The following BRCA2 variants were observed in gnomAD, a reference collection of about 807,000 sequenced individuals.
The protein encoded by BRCA2 is BRCA2 DNA repair associated.
BRCA2 carries 203 observed loss-of-function variants against 276.7 expected under a neutral mutation model. The ratio of observed to expected loss-of-function variants is 0.73; its 90% CI spans 0.65 to 0.82. The LOEUF is 0.82. Among genes scored for constraint, BRCA2 ranks in the 40% least tolerant of loss-of-function variants. BRCA2 has a pLI of 0.00. For missense variants in BRCA2, 3,920 were observed against 3,915.0 expected (o/e 1.00, Z -0.03); for synonymous variants, 1,289 against 1,338.4 (o/e 0.96, Z 0.81).
chr13:32,392,715 T>C (rs1448579305), intron 24 of BRCA2, among the ~76,000 whole-genome samples: 2 of 152,198 alleles, frequency 1.3e-5, no homozygotes, highest in Non-Finnish European at 2.9e-5. Flanking sequence ...ACATCTTGCA[T>C]AACCGTAGTA....
In BRCA2 at chr13:32,376,699, C is replaced by T. The variant is rs80359123; in HGVS notation, c.8662C>T (p.Arg2888Cys). ...CACAACAAAACCATATTTACCATCA[C>T]GTGCACTAACAAGACAGCAAGTTCG... The part of the protein sequence containing the change: ...ENTTKPYLPS[R>C]ALTRQQVRAL... Residue 2888 changes from arginine (R) to cysteine (C), a missense_variant, in exon 21 of 27, where the codon CGT becomes TGT. Arg to Cys is a radical substitution (Grantham distance 180, BLOSUM62 -3). This residue lies in a region of BRCA2 where 657 missense variants were observed against 758.2 expected (regional missense o/e 0.87). Coordinates refer to ENST00000380152, the MANE Select transcript of BRCA2 (RefSeq NM_000059.4). The T allele has an allele frequency of 1.3e-5, 21 of 1,613,910 alleles. No homozygotes were observed. The highest frequency in any genetic ancestry group is 2.2e-5 in the East Asian group (1 of 44,892).
In BRCA2 at chr13:32,371,289, G is replaced by C. The variant is rs368546515; in HGVS notation, c.8632+189G>C. ...ATAGCAACAAGGGACAGAAATATCA[G>C]GTCTAAGCCATTTGTAATATTTTTC... On this transcript the variant is annotated intron_variant, in intron 20 of 26. Transcript: ENST00000380152. 7.9e-5 allele frequency among the ~76,000 whole-genome samples: 12 copies of C among 151,964 alleles called. No individual in the cohort carries two copies. The East Asian group carries it at 1.9e-3, about 24-fold the overall frequency.
rs2137531180 is a variant in BRCA2 at position 32,341,214 on chromosome 13, C to T, written c.6841+18C>T. The T allele has an allele frequency of 6.2e-7, 1 of 1,613,658 alleles. No individual in the cohort carries two copies. The highest frequency in any genetic ancestry group is 1.1e-5 in the South Asian group (1 of 90,938). On this transcript the variant is annotated intron_variant, in intron 11 of 26. Transcript: ENST00000380152. ...CTTAGTGGGTAAGTGTTCATTTTTACCTTTCGTGTTGCCAATCACTATTTT... is the reference window on the plus strand; with the variant it reads ...CTTAGTGGGTAAGTGTTCATTTTTATCTTTCGTGTTGCCAATCACTATTTT...
At position 32,379,443 on chromosome 13, in the gene BRCA2, G is replaced by A. The variant is rs878853614; in HGVS notation, c.8881G>A (p.Gly2961Ser). ...GGAATCTGCTGAACAAAAGGAACAAGGTTTATCAAGGGATGTCACAACCGT... is the reference window on the plus strand; with the variant it reads ...GGAATCTGCTGAACAAAAGGAACAAAGTTTATCAAGGGATGTCACAACCGT... ...AMESAEQKEQ[G>S]LSRDVTTVWK... is the part of the protein sequence containing the mutation. The change falls in exon 22 of 27, where the codon GGT becomes AGT. Residue 2961 changes from glycine to serine, a missense_variant. Gly to Ser is a moderately conservative substitution (Grantham distance 56). Coordinates refer to ENST00000380152, the MANE Select transcript of BRCA2 (RefSeq NM_000059.4). 3.1e-6 allele frequency: 5 copies of A among 1,613,516 alleles called. No homozygotes were observed. Among genetic ancestry groups the A allele is most frequent in the Non-Finnish European group, 3.4e-6 (4 of 1,179,798 alleles).
chr13:32,365,522 A>G (rs1290939549), intron 18 of BRCA2, among the ~76,000 whole-genome samples: 2 of 151,934 alleles, frequency 1.3e-5, no homozygotes, highest in Non-Finnish European at 2.9e-5. Context: ...CTGGGATTAC[A>G]GGTACCTGCC....
In BRCA2 at chr13:32,333,737, T is replaced by A. The variant is rs2072428359; in HGVS notation, c.1909+350T>A. Among the ~76,000 whole-genome samples the A allele has an allele frequency of 3.9e-5, 6 of 152,048 alleles. No homozygotes were observed. The South Asian group carries it at 1.0e-3, about 26-fold the overall frequency. ...CCTGAGTATTAAGCCCAGCATGCAT[T>A]AGCTATTTTTCCTGGTGCTCTCCTT... On this transcript the variant is annotated intron_variant, in intron 10 of 26. Coordinates refer to ENST00000380152, the MANE Select transcript of BRCA2 (RefSeq NM_000059.4).
chr13:32,335,419 C>A (rs1337794914), intron 10 of BRCA2, among the ~76,000 whole-genome samples: 2 of 150,846 alleles, frequency 1.3e-5, no homozygotes, highest in Non-Finnish European at 2.9e-5. Flanking sequence ...GTAGAAAATT[C>A]AGAGGGTCAA....
intron 24 of BRCA2, among the ~76,000 whole-genome samples, chr13:32,387,850 T>C (rs2072970871): frequency 1.3e-5 from 2 of 152,190 alleles, no homozygotes; most frequent in Admixed American, 6.5e-5. Flanking sequence ...CCCCCTATCC[T>C]GTAATCACGT....
At chr13:32,315,864 TC>T in intron 1 of BRCA2, among the ~76,000 whole-genome samples, 197 bp downstream of exon 1, 1 of 152,332 alleles carries the variant, frequency 6.6e-6, no homozygotes, top group East Asian at 1.9e-4. Flanking sequence ...CCCCGCCCCT[TC>T]CCTGGGTCTC....
In BRCA2 at chr13:32,331,019, C is replaced by A. The variant is rs2137462261; in HGVS notation, c.782C>A (p.Ala261Asp). Residue 261 changes from alanine (A) to aspartate (D), a missense_variant, in exon 9 of 27, where the codon GCT becomes GAT. By Grantham distance (126) the Ala-to-Asp change is moderately radical. Around this residue, in one of 2 missense-constraint regions of BRCA2, gnomAD observed 3,263 missense variants for 3,156.9 expected, o/e 1.03. Transcript: ENST00000380152. The part of the protein sequence containing the change: ...TDSENTNQRE[A>D]ASHGFGKTSG... Reference sequence around the variant, plus strand: ...AGTGAAAACACAAATCAAAGAGAAGCTGCAAGTCATGGTAAGTCCTCTGTT... The same window carrying A: ...AGTGAAAACACAAATCAAAGAGAAGATGCAAGTCATGGTAAGTCCTCTGTT... 6.2e-7 allele frequency: 1 copy of A among 1,608,596 alleles called. No individual in the cohort carries two copies. Among genetic ancestry groups the A allele is most frequent in the Non-Finnish European group, 8.5e-7 (1 of 1,175,342 alleles).
At chr13:32,316,125 G>A (rs539453404) in intron 1 of BRCA2, among the ~76,000 whole-genome samples, 4 of 151,490 alleles carry the variant, frequency 2.6e-5, no homozygotes, top group African/African-American at 9.8e-5. Flanking sequence ...TCTCTAACTG[G>A]AGCCCTCTGT....
In BRCA2 at chr13:32,368,001, CTTTTTTTTTTTTTTTTTTTTTTT is replaced by C. The variant is rs71071031; in HGVS notation, c.8332-2387_8332-2365del. ...ATTAGGGTTGTCTTTTCTTCTAATTCTTTTTTTTTTTTTTTTTTTTTTTTTTTTTTTTTTTTGAGATGGAGTCT... is the reference window on the plus strand; with the variant it reads ...ATTAGGGTTGTCTTTTCTTCTAATTCTTTTTTTTTTTTTGAGATGGAGTCT... On this transcript the variant is annotated intron_variant, in intron 18 of 26. Transcript: ENST00000380152. Among the ~76,000 whole-genome samples, 9 of 50,728 alleles carry C rather than the reference CTTTTTTTTTTTTTTTTTTTTTTT, an allele frequency of 1.8e-4. 1 individual carries two copies. The highest frequency in any genetic ancestry group is 1.7e-3 in the Admixed American group (5 of 2,978). The allele number at this position is 50,728 out of a possible 152,430, so 33.3% of individuals were successfully genotyped here. A position where few individuals can be genotyped will look rare whatever the true frequency, so the allele number is the denominator to read the frequency against.
Position 32,370,486 on chromosome 13 carries a change from T to C in BRCA2, c.8416T>C (p.Ser2806Pro), listed in dbSNP as rs1280487930. The change falls in exon 19 of 27, where the codon TCA (serine) becomes CCA (proline). Residue 2806 changes from serine to proline, a missense_variant. Ser to Pro is a moderately conservative substitution (Grantham distance 74). Coordinates refer to ENST00000380152, the MANE Select transcript of BRCA2 (RefSeq NM_000059.4). ...PDPRPFPLPLSSLFSDGGNVG... is the reference protein window; with the variant it reads ...PDPRPFPLPLPSLFSDGGNVG... Reference sequence around the variant, plus strand: ...CCCTAGACCTTTTCCTCTGCCCTTATCATCGCTTTTCAGTGATGGAGGAAA... The same window carrying C: ...CCCTAGACCTTTTCCTCTGCCCTTACCATCGCTTTTCAGTGATGGAGGAAA... The C allele has an allele frequency of 3.7e-6, 6 of 1,613,858 alleles. No homozygotes were observed. Among genetic ancestry groups the C allele is most frequent in the African/African-American group, 1.3e-5 (1 of 75,054 alleles).
At chr13:32,368,468 C>T (rs1329502273) in intron 18 of BRCA2, among the ~76,000 whole-genome samples, 1 of 151,390 alleles carries the variant, frequency 6.6e-6, no homozygotes, top group Non-Finnish European at 1.5e-5. Context: ...TCTCATCTTT[C>T]TAAAGCTAAT....
chr13:32,392,779 T>C (rs1002203629), intron 24 of BRCA2, among the ~76,000 whole-genome samples: 1 of 152,138 alleles, frequency 6.6e-6, no homozygotes, highest in Non-Finnish European at 1.5e-5. Context: ...ACTGTAGATG[T>C]ATTTGAAAAA....
chr13:32,356,748 A>G, intron 15 of BRCA2, 139 bp downstream of exon 15: 2 of 1,135,928 alleles, frequency 1.8e-6, no homozygotes, highest in South Asian at 2.7e-5. Context: ...CATATTTTCT[A>G]ATTAGCCTGC....
At chr13:32,345,630 G>C (rs886527934) in intron 12 of BRCA2, among the ~76,000 whole-genome samples, 2 of 152,010 alleles carry the variant, frequency 1.3e-5, no homozygotes, top group Admixed American at 6.5e-5. Flanking sequence ...GACTATTTCA[G>C]ATTTCAGATT....
In BRCA2 at chr13:32,338,387, T is replaced by C. The variant is rs1555283514; in HGVS notation, c.4032T>C (p.Asn1344=). ...TTGATGGCAGTGATTCAAGTAAAAA[T>C]GATACTGTTTGTATTCATAAAGATG... The part of the protein sequence containing the change: ...LEFDGSDSSK[N]DTVCIHKDET... Residue 1344 remains asparagine (N), a synonymous_variant, in exon 11 of 27, where the codon AAT becomes AAC. Coordinates refer to ENST00000380152, the MANE Select transcript of BRCA2 (RefSeq NM_000059.4). 4 of 1,595,108 alleles carry C rather than the reference T, an allele frequency of 2.5e-6. No homozygotes were observed. Among genetic ancestry groups the C allele is most frequent in the Non-Finnish European group, 3.4e-6 (4 of 1,173,084 alleles).
rs786203756 is a variant in BRCA2, at chr13:32,338,022, C to T, written c.3667C>T (p.His1223Tyr). 3.7e-6 allele frequency: 6 copies of T among 1,612,324 alleles called. No homozygotes were observed. In the Admixed American group the frequency reaches 8.4e-5, roughly 22 times the overall value. The change falls in exon 11 of 27, where the codon CAT becomes TAT. Residue 1223 changes from histidine (H) to tyrosine (Y), a missense_variant. Physicochemically the swap from His to Tyr is moderately conservative, Grantham distance 83. Around this residue, in one of 2 missense-constraint regions of BRCA2, gnomAD observed 3,263 missense variants for 3,156.9 expected, o/e 1.03. Coordinates refer to ENST00000380152, the MANE Select transcript of BRCA2 (RefSeq NM_000059.4). The part of the protein sequence containing the change: ...EVGFRGFYSA[H>Y]GTKLNVSTEA... Reference sequence around the variant, plus strand: ...GGGGTTTAGGGGCTTTTATTCTGCTCATGGCACAAAACTGAATGTTTCTAC... The same window carrying T: ...GGGGTTTAGGGGCTTTTATTCTGCTTATGGCACAAAACTGAATGTTTCTAC...
Sources: allele counts gnomAD v4.1 joint callset (sites outside exome capture counted in the v4.1 genomes callset), GRCh38; gene constraint gnomAD v4.1.1; regional missense constraint gnomAD v4.1.1; transcripts MANE v1.5; gene names NCBI Gene and HGNC (gene_info 2026-07-23, HGNC 2026-07-21).